Variants in SRSF3 observed in about 807,000 individuals in gnomAD.
SRSF3 encodes the protein serine and arginine rich splicing factor 3, also known as serine/arginine-rich splicing factor 3.
For synonymous variants in SRSF3, 87 were observed against 73.6 expected (o/e 1.18, Z -0.93); for missense variants, 58 against 217.1 (o/e 0.27, Z 4.61).
rs780277657 is a variant in SRSF3 at position 36,601,141 on chromosome 6, T to G, written c.342-11T>G. The G allele has an allele frequency of 6.2e-7, 1 of 1,613,616 alleles. No homozygotes were observed. The highest frequency in any genetic ancestry group is 1.1e-5 in the South Asian group (1 of 91,066). On this transcript the variant is annotated splice_polypyrimidine_tract_variant and intron_variant, in intron 3 of 5. Coordinates refer to ENST00000373715, the MANE Select transcript of SRSF3 (RefSeq NM_003017.5). ...TGATGATGAGCCTAATTTTCCTGTT[T>G]CTGCTTTTAGATCTCCAAGAAGGAG...
At chr6:36,601,846 G>C in intron 5 of SRSF3, 52 bp downstream of exon 5, 1 of 1,603,674 alleles carries the variant, frequency 6.2e-7, no homozygotes, top group Non-Finnish European at 8.5e-7. Context: ...AGTATGCTAA[G>C]GCCTGTCTTC....
At chr6:36,601,010 T>TTTC in intron 3 of SRSF3, 142 bp from the exon 4 acceptor site, 1 of 297,090 alleles carries the variant, frequency 3.4e-6, no homozygotes, top group Non-Finnish European at 5.6e-6. Flanking sequence ...TCTTTTTTTT[T>TTTC]TTTTTTTTTT....
rs535197664 is a variant in SRSF3, at chr6:36,603,293, G to C, written c.*1304G>C. On this transcript the variant is annotated 3_prime_UTR_variant, in exon 6 of 6. Transcript: ENST00000373715. ...TGGGAATTCTAAGCTGATCCATCAT[G>C]ATGTAAAAGTTCACAATATGGTTCA... 4.4e-6 allele frequency: 1 copy of C among 224,970 alleles called. No individual in the cohort carries two copies. Among genetic ancestry groups the C allele is most frequent in the African/African-American group, 2.2e-5 (1 of 44,880 alleles). The allele number at this position is 224,970 out of a possible 1,614,324, so 13.9% of individuals were successfully genotyped here.
intron 2 of SRSF3, 185 bp from the exon 3 acceptor site, chr6:36,598,664 G>C: frequency 1.6e-6 from 1 of 644,002 alleles, no homozygotes; most frequent in South Asian, 2.0e-5. Context: ...TTACAGGCGT[G>C]TACCACCGTG....
chr6:36,598,725 G>C (rs1158760526), intron 2 of SRSF3, 124 bp from the exon 3 acceptor site: 1 of 1,161,834 alleles, frequency 8.6e-7, no homozygotes, highest in African/African-American at 1.6e-5. Flanking sequence ...CTAGAAATTT[G>C]ATGTTAAATT....
At chr6:36,601,328 T>G in intron 4 of SRSF3, 138 bp downstream of exon 4, 1 of 822,058 alleles carries the variant, frequency 1.2e-6, no homozygotes, top group Non-Finnish European at 1.9e-6. Context: ...GAGTCAGCTT[T>G]CTTTGAGTTT....
rs1778776316 is a variant in SRSF3, at chr6:36,604,298, T to G, written c.*2309T>G. On this transcript the variant is annotated 3_prime_UTR_variant, in exon 6 of 6. Transcript: ENST00000373715. ...CAATGTAAAGAAACATTAAGGATTA[T>G]ATTTGATTGTTTTCAAAGACACTGG... 1 of 213,606 alleles carries G rather than the reference T, an allele frequency of 4.7e-6. No homozygotes were observed. Among genetic ancestry groups the G allele is most frequent in the Non-Finnish European group, 9.5e-6 (1 of 105,594 alleles). 13.2% of individuals were successfully genotyped at this position (213,606 alleles called of 1,614,324 possible).
At chr6:36,595,899 C>T (rs1028672688) in intron 1 of SRSF3, among the ~76,000 whole-genome samples, 3 of 151,832 alleles carry the variant, frequency 2.0e-5, no homozygotes, top group African/African-American at 7.3e-5. Context: ...TCCAAATGAC[C>T]AAAATAGGCA....
In SRSF3 at chr6:36,602,252, T is replaced by C. The variant is rs574188684; in HGVS notation, c.*263T>C. On this transcript the variant is annotated 3_prime_UTR_variant, in exon 6 of 6. Transcript: ENST00000373715. The stretch of plus-strand genomic sequence containing the variant: ...GCAAAATTGAATTTGCTTTGAACTT[T>C]TAGTTATGCACAGACTGATAATAAA... The C allele has an allele frequency of 3.5e-6, 2 of 567,102 alleles. No homozygotes were observed. The highest frequency in any genetic ancestry group is 3.9e-5 in the African/African-American group (2 of 51,806). 35.1% of individuals were successfully genotyped at this position (567,102 alleles called of 1,614,324 possible).
rs918925493 is a variant in SRSF3 at position 36,603,942 on chromosome 6, GAAATA to G, written c.*1957_*1961del. ...GGCTAAGAGAAATAATACAGAACCT[GAAATA>G]AAAGTAACTTCACCAGGGAGTTATC... On this transcript the variant is annotated 3_prime_UTR_variant, in exon 6 of 6. Transcript: ENST00000373715. 1.3e-5 allele frequency: 3 copies of G among 230,522 alleles called. No homozygotes were observed. Among genetic ancestry groups the G allele is most frequent in the Non-Finnish European group, 2.6e-5 (3 of 116,552 alleles). The allele number at this position is 230,522 out of a possible 1,614,324, so 14.3% of individuals were successfully genotyped here. A position where few individuals can be genotyped will look rare whatever the true frequency, so the allele number is the denominator to read the frequency against.
At chr6:36,601,001 CTTTTTTTTTTT>C (rs775227806) in intron 3 of SRSF3, 140 bp from the exon 4 acceptor site, 52 of 86,456 alleles carry the variant, frequency 6.0e-4, no homozygotes, top group East Asian at 1.7e-3. Context: ...TCTTTTTTTT[CTTTTTTTTTTT>C]TTTTTTTTTT....
intron 3 of SRSF3, 142 bp from the exon 4 acceptor site, chr6:36,601,001 CTTTTTTTTT>C (rs775227806): frequency 8.7e-4 from 75 of 86,470 alleles, no homozygotes; most frequent in East Asian, 1.3e-3. Flanking sequence ...TCTTTTTTTT[CTTTTTTTTT>C]TTTTTTTTTT....
chr6:36,594,873 T>G (rs1405562951), intron 1 of SRSF3: 2 of 152,130 alleles, frequency 1.3e-5, no homozygotes, highest in Admixed American at 6.5e-5. Flanking sequence ...TCAGTTCATA[T>G]TAAATGGCCC....
chr6:36,601,368 T>C lies in SRSF3; in HGVS notation c.380+178T>C, dbSNP rs1238895824. Reference sequence around the variant, plus strand: ...AGGCTTTTTAGAAAGTATTTAATTTTTTAAAAAAGGATCTGTCACCCAGGC... The same window carrying C: ...AGGCTTTTTAGAAAGTATTTAATTTCTTAAAAAAGGATCTGTCACCCAGGC... On this transcript the variant is annotated intron_variant, in intron 4 of 5. Transcript: ENST00000373715. 1.2e-5 allele frequency: 8 copies of C among 659,682 alleles called. No individual in the cohort carries two copies. In the South Asian group the frequency reaches 1.5e-4, roughly 12 times the overall value. The allele number at this position is 659,682 out of a possible 1,614,324, so 40.9% of individuals were successfully genotyped here. A position where few individuals can be genotyped will look rare whatever the true frequency, so the allele number is the denominator to read the frequency against.
chr6:36,596,574 C>CGGGGGGGGGGGGGGGGGGGGGG (rs34650091), intron 1 of SRSF3, among the ~76,000 whole-genome samples, 187 bp from the exon 2 acceptor site: 2 of 91,960 alleles, frequency 2.2e-5, no homozygotes, highest in Non-Finnish European at 4.1e-5. Context: ...GGCGGGGTGG[C>CGGGGGGGGGGGGGGGGGGGGGG]GGGGGGGGGG....
At chr6:36,594,997 C>CTCA (rs971132553) in intron 1 of SRSF3, among the ~76,000 whole-genome samples, 8 of 152,260 alleles carry the variant, frequency 5.3e-5, no homozygotes, top group African/African-American at 1.9e-4. Flanking sequence ...CATCGCTTCC[C>CTCA]ATTAAAATGG....
At position 36,603,633 on chromosome 6, in the gene SRSF3, A is replaced by C; in HGVS notation, c.*1644A>C. ...TTGGTGTCAGGAAGGTTCAGCCTTAAAGTTAAGCATGTTCAAGAAAGACAC... is the reference window on the plus strand; with the variant it reads ...TTGGTGTCAGGAAGGTTCAGCCTTACAGTTAAGCATGTTCAAGAAAGACAC... On this transcript the variant is annotated 3_prime_UTR_variant, in exon 6 of 6. Transcript: ENST00000373715. The C allele has an allele frequency of 4.4e-6, 1 of 229,754 alleles. No individual in the cohort carries two copies. The highest frequency in any genetic ancestry group is 8.6e-6 in the Non-Finnish European group (1 of 115,912). The allele number at this position is 229,754 out of a possible 1,614,324, so 14.2% of individuals were successfully genotyped here.
rs1475214652 is a variant in SRSF3, at chr6:36,597,074, G to C, written c.206+106G>C. 5.0e-6 allele frequency: 3 copies of C among 600,938 alleles called. No homozygotes were observed. The African/African-American group carries it at 6.1e-5, about 12-fold the overall frequency. The allele number at this position is 600,938 out of a possible 1,614,324, so 37.2% of individuals were successfully genotyped here. Reference sequence around the variant, plus strand: ...TGGCTTTCCCAATCACTGGCCAATTGTATCTTTAGATACAATTGGGATCTT... The same window carrying C: ...TGGCTTTCCCAATCACTGGCCAATTCTATCTTTAGATACAATTGGGATCTT... On this transcript the variant is annotated intron_variant, in intron 2 of 5. Coordinates refer to ENST00000373715, the MANE Select transcript of SRSF3 (RefSeq NM_003017.5).
chr6:36,604,465 T>C lies in SRSF3; in HGVS notation c.*2476T>C, dbSNP rs1384572102. The C allele has an allele frequency of 2.2e-5, 4 of 183,492 alleles. No individual in the cohort carries two copies. The highest frequency in any genetic ancestry group is 4.6e-5 in the Non-Finnish European group (4 of 86,380). The allele number at this position is 183,492 out of a possible 1,614,324, so 11.4% of individuals were successfully genotyped here. A position where few individuals can be genotyped will look rare whatever the true frequency, so the allele number is the denominator to read the frequency against. Reference sequence around the variant, plus strand: ...TTTCTATTAAAAGGAATATTTAGTTTGATCTCTGGTTCACAGTTCATTGTG... The same window carrying C: ...TTTCTATTAAAAGGAATATTTAGTTCGATCTCTGGTTCACAGTTCATTGTG... On this transcript the variant is annotated 3_prime_UTR_variant, in exon 6 of 6. Coordinates refer to ENST00000373715, the MANE Select transcript of SRSF3 (RefSeq NM_003017.5).
Sources: gnomAD v4.1 joint callset for allele counts (sites outside exome capture counted in the v4.1 genomes callset) on GRCh38, gnomAD v4.1.1 for gene constraint, MANE v1.5 for transcripts, NCBI Gene and HGNC (gene_info 2026-07-23, HGNC 2026-07-21) for gene names.